Variants in TUT4 observed in about 807,000 individuals in gnomAD.
The protein encoded by TUT4 is terminal uridylyl transferase 4, also known as terminal uridylyltransferase 4.
TUT4 carries 36 observed loss-of-function variants against 192.2 expected under a neutral mutation model. The ratio of observed to expected loss-of-function variants is 0.19; its 90% confidence interval spans 0.14 to 0.25. TUT4 has a LOEUF of 0.25. TUT4 is among the 10% of genes least tolerant of loss of function. The probability of loss-of-function intolerance (pLI) is 1.00; values close to 1 mark genes in which losing one functional copy is unlikely to be tolerated. For missense variants in TUT4, 1,493 were observed against 1,957.2 expected, an observed-to-expected ratio of 0.76 and a Z score of 4.47; for synonymous variants, 618 against 666.0, an observed-to-expected ratio of 0.93 and a Z score of 1.11.
At chr1:52,498,556 A>T (rs1323858270) in intron 4 of TUT4, among the ~76,000 whole-genome samples, 1 of 151,544 alleles carries the variant, frequency 6.6e-6, no homozygotes, top group Non-Finnish European at 1.5e-5. Flanking sequence ...TTCACTTAGG[A>T]TCCATCCAAA....
intron 1 of TUT4, among the ~76,000 whole-genome samples, chr1:52,536,241 G>A (rs1489365904): frequency 6.6e-6 from 1 of 152,116 alleles, no homozygotes; most frequent in Non-Finnish European, 1.5e-5. Context: ...AAAATATAAA[G>A]GAGGAGAGAA....
intron 2 of TUT4, among the ~76,000 whole-genome samples, chr1:52,523,881 T>C (rs938118055): frequency 2.0e-5 from 3 of 152,222 alleles, no homozygotes; most frequent in Non-Finnish European, 2.9e-5. Context: ...CAGAATTCTT[T>C]ACCAGTGTTT....
At chr1:52,453,897 T>C (rs1390716782) in intron 20 of TUT4, among the ~76,000 whole-genome samples, 1 of 152,130 alleles carries the variant, frequency 6.6e-6, no homozygotes, top group African/African-American at 2.4e-5. Flanking sequence ...AGACACAAGA[T>C]TAATATAAAA....
Position 52,438,296 on chromosome 1 carries a change from G to A in TUT4, c.3862C>T (p.Leu1288=), listed in dbSNP as rs1055628029. 1 of 1,613,894 alleles carries A rather than the reference G, an allele frequency of 6.2e-7. No individual in the cohort carries two copies. Among genetic ancestry groups the A allele is most frequent in the East Asian group, 2.2e-5 (1 of 44,840 alleles). Residue 1288 remains leucine, a synonymous_variant, in exon 25 of 30, where the codon CTG becomes TTG. Coordinates refer to ENST00000257177, the MANE Select transcript of TUT4 (RefSeq NM_001009881.3). ...CGGCAACATCTATCATTGGGAGCCA[G>A]TTCTCCATCTGTTAATACTCTGGAA... The part of the protein sequence containing the change: ...FDSRVLTDGE[L]APNDRCCRVC...
chr1:52,530,427 G>A (rs1048158155), intron 1 of TUT4, among the ~76,000 whole-genome samples: 4 of 152,028 alleles, frequency 2.6e-5, no homozygotes, highest in Non-Finnish European at 4.4e-5. Context: ...TAAAACAAGC[G>A]CATCATAGAG....
chr1:52,495,612 C>CGTAG (rs1254680119), intron 5 of TUT4, 97 bp from the exon 6 acceptor site: 1 of 727,962 alleles, frequency 1.4e-6, no homozygotes, highest in East Asian at 2.8e-5. Context: ...TTCAGTTCTA[C>CGTAG]GTCTTCCATT....
At chr1:52,452,486 T>C (rs1289024624) in intron 20 of TUT4, among the ~76,000 whole-genome samples, 5 of 152,210 alleles carry the variant, frequency 3.3e-5, no homozygotes, top group Admixed American at 6.5e-5. Flanking sequence ...TTCAGCCCTA[T>C]ACCCCAACCT....
intron 4 of TUT4, among the ~76,000 whole-genome samples, chr1:52,506,081 G>C (rs908883262): frequency 3.9e-5 from 6 of 152,176 alleles, no homozygotes; most frequent in African/African-American, 1.4e-4. Context: ...GCCTCCCAAA[G>C]TGCTAGGATT....
chr1:52,493,203 T>A (rs1436546263), intron 7 of TUT4, among the ~76,000 whole-genome samples: 1 of 151,970 alleles, frequency 6.6e-6, no homozygotes, highest in Non-Finnish European at 1.5e-5. Flanking sequence ...TCTGCCTCAG[T>A]CTCCCGAGTA....
intron 1 of TUT4, among the ~76,000 whole-genome samples, chr1:52,544,739 T>C (rs1312986119): frequency 6.6e-6 from 1 of 151,996 alleles, no homozygotes; most frequent in Non-Finnish European, 1.5e-5. Context: ...CTTTTGTTAA[T>C]CAAAAGACAC....
intron 3 of TUT4, 81 bp downstream of exon 3, chr1:52,515,804 TAAAAGA>T (rs750628882): frequency 1.3e-6 from 2 of 1,506,102 alleles, no homozygotes; most frequent in South Asian, 2.3e-5. Flanking sequence ...GTCTTATGAA[TAAAAGA>T]AAAATAAAAA....
At chr1:52,495,269 G>C (rs1672167550) in intron 6 of TUT4, among the ~76,000 whole-genome samples, 158 bp downstream of exon 6, 2 of 151,306 alleles carry the variant, frequency 1.3e-5, no homozygotes, top group Non-Finnish European at 2.9e-5. Flanking sequence ...GCCTTTGTCT[G>C]AAATCTAATA....
intron 16 of TUT4, chr1:52,463,688 G>A (rs1275389414): frequency 7.7e-7 from 1 of 1,304,220 alleles, no homozygotes; most frequent in Non-Finnish European, 1.0e-6. Flanking sequence ...TTTGCTAGTT[G>A]CTGTTGAGAA....
chr1:52,517,556 G>A (rs1679036038), intron 2 of TUT4, among the ~76,000 whole-genome samples: 1 of 152,200 alleles, frequency 6.6e-6, no homozygotes, highest in African/African-American at 2.4e-5. Flanking sequence ...TGGAGATGGT[G>A]CATTTCCTAC....
chr1:52,462,374 G>A (rs1662848060), intron 16 of TUT4: 1 of 151,992 alleles, frequency 6.6e-6, no homozygotes, highest in Non-Finnish European at 1.5e-5. Flanking sequence ...TTTTAGTAGA[G>A]ACCAGGTTTC....
intron 9 of TUT4, 44 bp from the exon 10 acceptor site, chr1:52,481,967 A>G: frequency 7.1e-7 from 1 of 1,412,244 alleles, no homozygotes; most frequent in South Asian, 1.9e-5. Context: ...TAGCTTTCTT[A>G]ATTTTCATGA....
intron 14 of TUT4, among the ~76,000 whole-genome samples, chr1:52,469,541 T>C (rs1318470616): frequency 1.3e-5 from 2 of 152,194 alleles, no homozygotes; most frequent in Non-Finnish European, 2.9e-5. Flanking sequence ...CATGTGGTAA[T>C]GAGTTCGAGT....
intron 1 of TUT4, among the ~76,000 whole-genome samples, chr1:52,544,287 CAA>C (rs34094471): frequency 1.2e-4 from 12 of 102,918 alleles, no homozygotes; most frequent in Admixed American, 1.0e-4. Context: ...GACTCCATTT[CAA>C]AAAAAAAAAA....
intron 28 of TUT4, 138 bp from the exon 29 acceptor site, chr1:52,425,645 T>A: frequency 9.6e-7 from 1 of 1,046,234 alleles, no homozygotes; most frequent in South Asian, 2.1e-5. Context: ...CCAAACAAAC[T>A]TTTTTAAAGA....
Sources: allele counts gnomAD v4.1 joint callset (sites outside exome capture counted in the v4.1 genomes callset), GRCh38; gene constraint gnomAD v4.1.1; transcripts MANE v1.5; gene names NCBI Gene and HGNC (gene_info 2026-07-23, HGNC 2026-07-21).